CPNE4: variants seen among roughly 807,000 people sequenced by gnomAD.
The protein encoded by CPNE4 is copine-4.
CPNE4 carries 25 observed loss-of-function variants against 67.9 expected under a neutral mutation model. The observed-to-expected ratio is 0.37, with a 90% CI of 0.27 to 0.51. The LOEUF is 0.51. Among genes scored for constraint, CPNE4 ranks in the 20% least tolerant of loss-of-function variants. CPNE4 has a pLI of 0.93. For synonymous variants in CPNE4, 242 were observed against 244.9 expected (o/e 0.99, Z 0.11); for missense variants, 464 against 690.8 (o/e 0.67, Z 3.68).
intron 5 of CPNE4, among the ~76,000 whole-genome samples, chr3:131,693,437 T>C (rs1425156673): frequency 6.6e-6 from 1 of 152,172 alleles, no homozygotes. Flanking sequence ...ATTATAATTA[T>C]ATTTTCCAAA....
intron 2 of CPNE4, among the ~76,000 whole-genome samples, chr3:131,815,017 G>T (rs559604760): frequency 6.6e-6 from 1 of 152,330 alleles, no homozygotes; most frequent in East Asian, 1.9e-4. Flanking sequence ...CATTTTAAGA[G>T]ACTGGTTGGT....
In CPNE4 at chr3:132,001,551, A is replaced by AGAGAAAGAAAG. The variant is rs1560765351; in HGVS notation, c.-2+33015_-2+33016insCTTTCTTTCTC. Among the ~76,000 whole-genome samples, 6 of 91,876 alleles carry AGAGAAAGAAAG rather than the reference A, an allele frequency of 6.5e-5. No individual in the cohort carries two copies. In the East Asian group the frequency reaches 2.1e-3, roughly 33 times the overall value. The allele number at this position is 91,876 out of a possible 152,430, so 60.3% of individuals were successfully genotyped here. The stretch of plus-strand genomic sequence containing the variant: ...GAGAGAAAGAAAGAGACAAAGAAAA[A>AGAGAAAGAAAG]AGAGAAAGAAAGAAAGAAAGAAAGA... On this transcript the variant is annotated intron_variant, in intron 1 of 15. Transcript: ENST00000429747.
intron 1 of CPNE4, among the ~76,000 whole-genome samples, chr3:131,995,778 C>G (rs1243692441): frequency 6.6e-6 from 1 of 152,164 alleles, no homozygotes; most frequent in African/African-American, 2.4e-5. Context: ...TCAAGTCTCA[C>G]AAGTCTATTA....
At chr3:131,654,571 T>C (rs1439908341) in intron 7 of CPNE4, among the ~76,000 whole-genome samples, 1 of 152,134 alleles carries the variant, frequency 6.6e-6, no homozygotes, top group African/African-American at 2.4e-5. Context: ...CCCAAACATC[T>C]CCCAGGAGAA....
chr3:131,887,018 G>A (rs2087919776), intron 2 of CPNE4, among the ~76,000 whole-genome samples: 1 of 152,194 alleles, frequency 6.6e-6, no homozygotes, highest in East Asian at 1.9e-4. Flanking sequence ...TTTGAAATGT[G>A]AGGACATGAG....
chr3:131,640,837 G>A (rs2079522371), intron 7 of CPNE4, among the ~76,000 whole-genome samples: 1 of 152,136 alleles, frequency 6.6e-6, no homozygotes, highest in South Asian at 2.1e-4. Context: ...ACATGGAATA[G>A]AATAGAGAAC....
rs1378457060 is a variant in CPNE4 at position 131,564,354 on chromosome 3, A to G, written c.928-5T>C. 1.2e-6 allele frequency: 2 copies of G among 1,608,260 alleles called. No homozygotes were observed. Among genetic ancestry groups the G allele is most frequent in the Non-Finnish European group, 1.7e-6 (2 of 1,177,732 alleles). On this transcript the variant is annotated splice_polypyrimidine_tract_variant and splice_region_variant and intron_variant, in intron 10 of 15. Coordinates refer to ENST00000429747, the MANE Select transcript of CPNE4 (RefSeq NM_130808.3). ...GGCAGTGAAATCTATAGCTACCTAA[A>G]AGAGAAAAATACAAGAAAAGGTAAA...
At chr3:131,974,257 T>C (rs1046939066) in intron 1 of CPNE4, among the ~76,000 whole-genome samples, 2 of 152,222 alleles carry the variant, frequency 1.3e-5, no homozygotes, top group Non-Finnish European at 2.9e-5. Flanking sequence ...TCCTTCACAA[T>C]GGTAATTGTA....
intron 2 of CPNE4, among the ~76,000 whole-genome samples, chr3:131,801,335 A>ACATATATATATATATGTAC (rs1408877556): frequency 1.6e-5 from 2 of 122,072 alleles, no homozygotes; most frequent in African/African-American, 3.5e-5. Flanking sequence ...TGGAAACCAT[A>ACATATATATATATATGTAC]CATATATATA....
At chr3:131,543,105 C>G (rs1367052095) in intron 14 of CPNE4, 1 of 248,474 alleles carries the variant, frequency 4.0e-6, no homozygotes, top group Non-Finnish European at 7.8e-6. Context: ...GGGACGATCC[C>G]TTAACTCGTC....
At chr3:132,038,295 T>A (rs903579723), upstream of CPNE4, among the ~76,000 whole-genome samples, 1 of 152,176 alleles carries the variant, frequency 6.6e-6, no homozygotes, top group Non-Finnish European at 1.5e-5. Context: ...TGAACATACA[T>A]GTTGCAAGCT....
At chr3:131,937,444 C>T (rs2071255500) in intron 1 of CPNE4, among the ~76,000 whole-genome samples, 1 of 152,098 alleles carries the variant, frequency 6.6e-6, no homozygotes. Context: ...GTTATAAAGG[C>T]CACTGACTAA....
rs369334029 is a variant in CPNE4 at position 131,767,237 on chromosome 3, G to C, written c.181-43612C>G. Among the ~76,000 whole-genome samples, 3 of 147,552 alleles carry C rather than the reference G, an allele frequency of 2.0e-5. 1 individual carries two copies. The highest frequency in any genetic ancestry group is 6.9e-5 in the Admixed American group (1 of 14,576). ...AATTAAGGGATAGTAAAGGCACACA[G>C]TGTGGAAGGTGCTAAGTGTGAGCGT... is the stretch of plus-strand genomic sequence containing the variant. On this transcript the variant is annotated intron_variant, in intron 2 of 15. Coordinates refer to ENST00000429747, the MANE Select transcript of CPNE4 (RefSeq NM_130808.3).
chr3:131,766,743 C>T (rs1028272020), intron 2 of CPNE4, among the ~76,000 whole-genome samples: 7 of 152,020 alleles, frequency 4.6e-5, no homozygotes, highest in African/African-American at 1.7e-4. Flanking sequence ...AGAAAAAAAA[C>T]AGATAAAAAT....
chr3:131,564,670 C>A (rs1158021798), intron 10 of CPNE4, among the ~76,000 whole-genome samples: 1 of 151,962 alleles, frequency 6.6e-6, no homozygotes, highest in African/African-American at 2.4e-5. Context: ...GATAGAATAT[C>A]TGCCCTCCAA....
chr3:131,758,325 C>T (rs993506218), intron 2 of CPNE4, among the ~76,000 whole-genome samples: 18 of 152,152 alleles, frequency 1.2e-4, no homozygotes, highest in African/African-American at 3.9e-4. Context: ...GGATGTGAGA[C>T]CTGGAGTCAA....
chr3:131,694,766 C>T (rs1160234385), intron 5 of CPNE4, among the ~76,000 whole-genome samples: 1 of 152,156 alleles, frequency 6.6e-6, no homozygotes, highest in Non-Finnish European at 1.5e-5. Context: ...GAGGCATGTG[C>T]GTAGAGCTAG....
chr3:131,978,435 T>TA lies in CPNE4; in HGVS notation c.-2+56131_-2+56132insT, dbSNP rs1560723827. Among the ~76,000 whole-genome samples the TA allele has an allele frequency of 1.1e-3, 3 of 2,784 alleles. 1 individual carries two copies. The highest frequency in any genetic ancestry group is 2.0e-3 in the African/African-American group (1 of 512). 1.8% of individuals were successfully genotyped at this position (2,784 alleles called of 152,430 possible). A position where few individuals can be genotyped will look rare whatever the true frequency, so the allele number is the denominator to read the frequency against. ...ATATATGTATATATATATTTATATATTTATATATATTTATATATATATTTA... is the reference window on the plus strand; with the variant it reads ...ATATATGTATATATATATTTATATATATTATATATATTTATATATATATTTA... On this transcript the variant is annotated intron_variant, in intron 1 of 15. Coordinates refer to ENST00000429747, the MANE Select transcript of CPNE4 (RefSeq NM_130808.3).
At chr3:131,626,439 C>T (rs1454886172) in intron 7 of CPNE4, among the ~76,000 whole-genome samples, 5 of 152,126 alleles carry the variant, frequency 3.3e-5, no homozygotes, top group Non-Finnish European at 5.9e-5. Flanking sequence ...TTTAGTGGTT[C>T]GGATAAAAAA....
Sources: allele counts gnomAD v4.1 joint callset (sites outside exome capture counted in the v4.1 genomes callset), GRCh38; gene constraint gnomAD v4.1.1; transcripts MANE v1.5; gene names NCBI Gene and HGNC (gene_info 2026-07-23, HGNC 2026-07-21).